RAB3C: variants seen among roughly 807,000 people sequenced by gnomAD.
RAB3C encodes RAB3C, member RAS oncogene family.
A neutral mutation model predicts 26.4 loss-of-function variants in RAB3C; 17 were observed. The observed-to-expected ratio is 0.64, with a 90% CI of 0.44 to 0.97. The LOEUF is 0.97. Ranked by LOEUF, RAB3C falls within the 50% of genes least tolerant of loss-of-function variation. RAB3C has a pLI of 0.00. For synonymous variants in RAB3C, 91 were observed against 95.9 expected (o/e 0.95, Z 0.30); for missense variants, 242 against 281.9 (o/e 0.86, Z 1.01).
chr5:58,729,849 A>G (rs1740972447), intron 3 of RAB3C, among the ~76,000 whole-genome samples: 2 of 146,186 alleles, frequency 1.4e-5, no homozygotes, highest in Admixed American at 1.4e-4. Context: ...ATACACATAT[A>G]CATATACTAT....
intron 3 of RAB3C, among the ~76,000 whole-genome samples, chr5:58,753,324 C>T (rs1741575240): frequency 6.6e-6 from 1 of 152,162 alleles, no homozygotes; most frequent in South Asian, 2.1e-4. Flanking sequence ...GAGATATATG[C>T]TGTTTCCTTA....
At chr5:58,757,458 A>G (rs1486100831) in intron 3 of RAB3C, among the ~76,000 whole-genome samples, 1 of 150,658 alleles carries the variant, frequency 6.6e-6, no homozygotes, top group Non-Finnish European at 1.5e-5. Context: ...CCCGCCCCCA[A>G]CTTTTTTTTA....
intron 2 of RAB3C, among the ~76,000 whole-genome samples, chr5:58,722,998 T>A (rs1740809782): frequency 6.6e-6 from 1 of 151,856 alleles, no homozygotes; most frequent in South Asian, 2.1e-4. Context: ...TAACCATTTA[T>A]TTACCTTTTC....
intron 2 of RAB3C, among the ~76,000 whole-genome samples, chr5:58,632,223 G>A (rs1435694267): frequency 6.6e-6 from 1 of 152,104 alleles, no homozygotes; most frequent in East Asian, 1.9e-4. Context: ...TTTACGCTGG[G>A]GTTTATCAGA....
At chr5:58,846,458 C>T (rs761631807) in intron 4 of RAB3C, among the ~76,000 whole-genome samples, 1 of 152,148 alleles carries the variant, frequency 6.6e-6, no homozygotes, top group Non-Finnish European at 1.5e-5. Context: ...CTGCTCACTG[C>T]AGCCTTGACC....
chr5:58,726,210 G>A (rs891672827), intron 3 of RAB3C, 90 bp downstream of exon 3: 16 of 637,560 alleles, frequency 2.5e-5, no homozygotes, highest in Middle Eastern at 2.6e-4. Flanking sequence ...ATACCGCAAT[G>A]TAATATATGT....
intron 3 of RAB3C, among the ~76,000 whole-genome samples, chr5:58,824,203 T>C (rs184404110): frequency 2.0e-5 from 3 of 152,210 alleles, no homozygotes; most frequent in African/African-American, 7.2e-5. Flanking sequence ...CGTGTGTCTT[T>C]ATAGCAGCAT....
At chr5:58,669,298 A>G (rs1193371534) in intron 2 of RAB3C, among the ~76,000 whole-genome samples, 2 of 152,182 alleles carry the variant, frequency 1.3e-5, no homozygotes, top group Non-Finnish European at 2.9e-5. Flanking sequence ...GTGGTCACAT[A>G]TGGTATCATT....
chr5:58,625,967 A>G (rs1389575305), intron 2 of RAB3C, among the ~76,000 whole-genome samples: 7 of 152,210 alleles, frequency 4.6e-5, no homozygotes. Flanking sequence ...CTTTAAACCA[A>G]TTAAATCTTT....
At chr5:58,739,651 C>T (rs1741234774) in intron 3 of RAB3C, among the ~76,000 whole-genome samples, 1 of 152,038 alleles carries the variant, frequency 6.6e-6, no homozygotes, top group Admixed American at 6.6e-5. Flanking sequence ...TAGACAGAGC[C>T]CATATTAAGT....
At chr5:58,740,378 G>A (rs1049314247) in intron 3 of RAB3C, among the ~76,000 whole-genome samples, 1 of 152,156 alleles carries the variant, frequency 6.6e-6, no homozygotes, top group Non-Finnish European at 1.5e-5. Context: ...GGGCTCTTAC[G>A]TCTTCAAAGC....
rs1229622088 is a variant in RAB3C, at chr5:58,584,265, ATTTACT to A, written c.24+1038_24+1043del. On this transcript the variant is annotated intron_variant, in intron 1 of 4. Transcript: ENST00000282878. ...TCAAGGACTTTAAACATATGCTTTG[ATTTACT>A]TTTAATTTATTTTATGGGTTATGTA... Among the ~76,000 whole-genome samples the A allele has an allele frequency of 5.3e-5, 8 of 152,258 alleles. No homozygotes were observed. In the South Asian group the frequency reaches 1.2e-3, roughly 24 times the overall value.
At chr5:58,583,775 A>C (rs1407163883) in intron 1 of RAB3C, among the ~76,000 whole-genome samples, 1 of 152,160 alleles carries the variant, frequency 6.6e-6, no homozygotes, top group Non-Finnish European at 1.5e-5. Context: ...GGGGCTTGGC[A>C]TATCCCTGAG....
chr5:58,831,259 A>G (rs1743608067), intron 4 of RAB3C, among the ~76,000 whole-genome samples: 1 of 152,182 alleles, frequency 6.6e-6, no homozygotes, highest in Non-Finnish European at 1.5e-5. Context: ...TGGTAAACCT[A>G]TTTAAACTCC....
At chr5:58,691,023 T>C (rs2111858366) in intron 2 of RAB3C, among the ~76,000 whole-genome samples, 1 of 152,290 alleles carries the variant, frequency 6.6e-6, no homozygotes, top group Non-Finnish European at 1.5e-5. Flanking sequence ...CACTTTTGTA[T>C]GTGCTTATTA....
intron 2 of RAB3C, among the ~76,000 whole-genome samples, chr5:58,716,482 A>G (rs143500054): frequency 6.6e-6 from 1 of 152,248 alleles, no homozygotes; most frequent in East Asian, 1.9e-4. Flanking sequence ...ACCTCCCAGC[A>G]CTGTGACTTA....
intron 3 of RAB3C, among the ~76,000 whole-genome samples, chr5:58,754,117 C>A (rs1205490915): frequency 6.6e-6 from 1 of 152,040 alleles, no homozygotes; most frequent in Non-Finnish European, 1.5e-5. Flanking sequence ...AGCTTTCCAT[C>A]ACAAAAGGGT....
Position 58,852,536 on chromosome 5 carries a change from C to T in RAB3C, c.*1185C>T, listed in dbSNP as rs1744135841. On this transcript the variant is annotated 3_prime_UTR_variant, in exon 5 of 5. Coordinates refer to ENST00000282878, the MANE Select transcript of RAB3C (RefSeq NM_138453.4). ...AAAGCATATTCCTATTACGTGAATG[C>T]TTAAGTTACACAGGAAACATTCTAT... 6.6e-6 allele frequency: 1 copy of T among 152,114 alleles called. No homozygotes were observed. Among genetic ancestry groups the T allele is most frequent in the Admixed American group, 6.5e-5 (1 of 15,270 alleles). The allele number at this position is 152,114 out of a possible 1,614,324, so 9.4% of individuals were successfully genotyped here.
chr5:58,841,945 C>T (rs911042751), intron 4 of RAB3C, among the ~76,000 whole-genome samples: 1 of 152,106 alleles, frequency 6.6e-6, no homozygotes, highest in Admixed American at 6.5e-5. Context: ...TCCTATTGAG[C>T]TCTCACTATG....
Sources: allele counts gnomAD v4.1 joint callset (sites outside exome capture counted in the v4.1 genomes callset), GRCh38; gene constraint gnomAD v4.1.1; transcripts MANE v1.5; gene names NCBI Gene and HGNC (gene_info 2026-07-23, HGNC 2026-07-21).